Variants in GABRA4 observed in about 807,000 individuals in gnomAD.
GABRA4 encodes gamma-aminobutyric acid receptor subunit alpha-4.
A neutral mutation model predicts 49.7 loss-of-function variants in GABRA4; 12 were observed. That is an observed-to-expected ratio of 0.24 (90% CI 0.15 to 0.39). GABRA4 has a LOEUF of 0.39. GABRA4 is among the 10% of genes least tolerant of loss of function. The probability of loss-of-function intolerance (pLI) is 1.00; values close to 1 mark genes in which losing one functional copy is unlikely to be tolerated. For synonymous variants in GABRA4, 288 were observed against 240.2 expected, an observed-to-expected ratio of 1.20 and a Z score of -1.84; for missense variants, 506 against 686.0, an observed-to-expected ratio of 0.74 and a Z score of 2.93.
At chr4:46,932,522 C>T (rs1245053089) in intron 8 of GABRA4, among the ~76,000 whole-genome samples, 1 of 152,090 alleles carries the variant, frequency 6.6e-6, no homozygotes, top group African/African-American at 2.4e-5. Flanking sequence ...AAAAATACAG[C>T]ATGTCCTTTC....
chr4:46,988,119 T>C (rs1723607783), intron 2 of GABRA4, among the ~76,000 whole-genome samples: 1 of 152,190 alleles, frequency 6.6e-6, no homozygotes, highest in African/African-American at 2.4e-5. Flanking sequence ...CTCTTACTCT[T>C]TTCATGTCTG....
At chr4:46,943,222 G>A (rs940730535) in intron 8 of GABRA4, among the ~76,000 whole-genome samples, 5 of 152,048 alleles carry the variant, frequency 3.3e-5, no homozygotes, top group Non-Finnish European at 7.4e-5. Context: ...ATCTCCTGCT[G>A]TAATTTAGAT....
rs1378116476 is a variant in GABRA4, at chr4:46,928,718, T to C, written c.1172A>G (p.Asn391Ser). 1 of 1,612,412 alleles carries C rather than the reference T, an allele frequency of 6.2e-7. No homozygotes were observed. Residue 391 changes from asparagine to serine, a missense_variant, in exon 9 of 9, where the codon AAT becomes AGT. Asn to Ser is a conservative substitution (Grantham distance 46). Around this residue, in one of 5 missense-constraint regions of GABRA4, gnomAD observed 243 missense variants for 210.8 expected, o/e 1.15. Coordinates refer to ENST00000264318, the MANE Select transcript of GABRA4 (RefSeq NM_000809.4). The part of the protein sequence containing the change: ...NANLNMRKRT[N>S]ALVHSESDVG... ...ATCAGATTCAGAGTGAACCAAAGCA[T>C]TTGTTCTTTTTCTCATGTTCAAATT...
chr4:46,946,961 G>C (rs1334366194), intron 8 of GABRA4, among the ~76,000 whole-genome samples: 3 of 151,946 alleles, frequency 2.0e-5, no homozygotes, highest in East Asian at 1.9e-4. Context: ...AAGCCTGCTG[G>C]TCTCTTGGTT....
chr4:46,979,082 C>T lies in GABRA4; in HGVS notation c.222G>A (p.Val74=). 6.2e-7 allele frequency: 1 copy of T among 1,608,688 alleles called. No homozygotes were observed. Among genetic ancestry groups the T allele is most frequent in the Non-Finnish European group, 8.5e-7 (1 of 1,175,770 alleles). The stretch of plus-strand genomic sequence containing the variant: ...AGCTGGTGACATATATGTCAGTTTT[C>T]ACTTCTGTAACAGGACCTAACGGGT... ...RPGFGGPVTE[V]KTDIYVTSFG... Residue 74 remains valine, a synonymous_variant, in exon 3 of 9, where the codon GTG becomes GTA. Transcript: ENST00000264318.
intron 8 of GABRA4, among the ~76,000 whole-genome samples, chr4:46,959,095 T>A: frequency 6.6e-6 from 1 of 152,032 alleles, no homozygotes. Context: ...AACATTTTGC[T>A]CTTAACATAC....
In GABRA4 at chr4:46,928,570, A is replaced by C; in HGVS notation, c.1320T>G (p.Asn440Lys). 1 of 1,613,694 alleles carries C rather than the reference A, an allele frequency of 6.2e-7. No individual in the cohort carries two copies. The change falls in exon 9 of 9, where the codon AAT becomes AAG. Residue 440 changes from asparagine to lysine, a missense_variant. Physicochemically the swap from Asn to Lys is moderately conservative, Grantham distance 94. Around this residue, in one of 5 missense-constraint regions of GABRA4, gnomAD observed 243 missense variants for 210.8 expected, o/e 1.15. Transcript: ENST00000264318. The part of the protein sequence containing the change: ...ASSPNPFSRA[N>K]AAETISAARA... The stretch of plus-strand genomic sequence containing the variant: ...TTGCTGCAGATATGGTTTCAGCTGC[A>C]TTTGCACGGCTGAATGGGTTTGGAC...
rs562134351 is a variant in GABRA4 at position 46,926,275 on chromosome 4, C to G, written c.*1950G>C. On this transcript the variant is annotated 3_prime_UTR_variant, in exon 9 of 9. Transcript: ENST00000264318. Reference sequence around the variant, plus strand: ...CATTCATGAAATAATTTATGATAAGCTTTTTTGTACAAGTACTCTTTATTA... The same window carrying G: ...CATTCATGAAATAATTTATGATAAGGTTTTTTGTACAAGTACTCTTTATTA... 6.6e-6 allele frequency: 1 copy of G among 151,814 alleles called. No individual in the cohort carries two copies. The allele number at this position is 151,814 out of a possible 1,614,324, so 9.4% of individuals were successfully genotyped here. A position where few individuals can be genotyped will look rare whatever the true frequency, so the allele number is the denominator to read the frequency against.
chr4:46,974,170 C>G (rs1723053914), intron 6 of GABRA4, 62 bp downstream of exon 6: 1 of 1,502,576 alleles, frequency 6.7e-7, no homozygotes, highest in African/African-American at 1.4e-5. Context: ...ATGAAAAAGT[C>G]AGGAGAAAAC....
At chr4:46,990,322 A>G (rs1723699408) in intron 2 of GABRA4, among the ~76,000 whole-genome samples, 2 of 152,344 alleles carry the variant, frequency 1.3e-5, no homozygotes, top group Non-Finnish European at 2.9e-5. Context: ...TAGAATTACG[A>G]TTAACCAAAA....
At position 46,928,094 on chromosome 4, in the gene GABRA4, G is replaced by T; in HGVS notation, c.*131C>A. On this transcript the variant is annotated 3_prime_UTR_variant, in exon 9 of 9. Transcript: ENST00000264318. ...AATTAATTAACTCTCCCAATAACTGGCTTATATCTTTAAATGGAAAAATTA... is the reference window on the plus strand; with the variant it reads ...AATTAATTAACTCTCCCAATAACTGTCTTATATCTTTAAATGGAAAAATTA... 9 of 757,990 alleles carry T rather than the reference G, an allele frequency of 1.2e-5. No homozygotes were observed. Among genetic ancestry groups the T allele is most frequent in the South Asian group, 2.3e-5 (1 of 42,970 alleles). 47.0% of individuals were successfully genotyped at this position (757,990 alleles called of 1,614,324 possible). A position where few individuals can be genotyped will look rare whatever the true frequency, so the allele number is the denominator to read the frequency against.
chr4:46,942,677 CTG>C (rs1721849641), intron 8 of GABRA4, among the ~76,000 whole-genome samples: 2 of 151,376 alleles, frequency 1.3e-5, no homozygotes, highest in Non-Finnish European at 2.9e-5. Context: ...GTATGTAACA[CTG>C]TTAATGAATT....
At chr4:46,969,628 A>G (rs1306995844) in intron 7 of GABRA4, among the ~76,000 whole-genome samples, 1 of 151,558 alleles carries the variant, frequency 6.6e-6, no homozygotes, top group Non-Finnish European at 1.5e-5. Context: ...GGAGAAAGTA[A>G]TTAATACGAA....
intron 8 of GABRA4, among the ~76,000 whole-genome samples, chr4:46,938,669 A>AT: frequency 6.6e-6 from 1 of 152,210 alleles, no homozygotes; most frequent in East Asian, 1.9e-4. Flanking sequence ...GAACATACAC[A>AT]TTTATAATAA....
At chr4:46,970,703 T>C (rs1467859943) in intron 7 of GABRA4, among the ~76,000 whole-genome samples, 1 of 143,564 alleles carries the variant, frequency 7.0e-6, no homozygotes, top group Admixed American at 6.9e-5. Flanking sequence ...CATTCAGCCA[T>C]GACTTTTATT....
intron 8 of GABRA4, among the ~76,000 whole-genome samples, chr4:46,945,328 C>T (rs777813583): frequency 2.6e-5 from 4 of 152,112 alleles, no homozygotes; most frequent in Non-Finnish European, 4.4e-5. Context: ...CTACATCAAC[C>T]TGCACCTTCC....
chr4:46,947,601 G>T (rs2109354295), intron 8 of GABRA4, among the ~76,000 whole-genome samples: 1 of 151,844 alleles, frequency 6.6e-6, no homozygotes, highest in Non-Finnish European at 1.5e-5. Context: ...AGTAAAACAG[G>T]AAGGAAAGAA....
At chr4:46,992,611 G>C in intron 2 of GABRA4, 1 of 570,668 alleles carries the variant, frequency 1.8e-6, no homozygotes, top group South Asian at 2.2e-5. Flanking sequence ...AATTAGTGTG[G>C]GGGAGAGGCA....
At chr4:46,980,074 T>TA (rs1255254290) in intron 2 of GABRA4, among the ~76,000 whole-genome samples, 3 of 152,124 alleles carry the variant, frequency 2.0e-5, no homozygotes, top group Non-Finnish European at 4.4e-5. Flanking sequence ...TCAAGTCACA[T>TA]ATCCTCATAG....
Sources: gnomAD v4.1 joint callset for allele counts (sites outside exome capture counted in the v4.1 genomes callset) on GRCh38, gnomAD v4.1.1 for gene constraint, gnomAD v4.1.1 regional missense constraint, MANE v1.5 for transcripts, NCBI Gene and HGNC (gene_info 2026-07-23, HGNC 2026-07-21) for gene names.